NAV2: variants seen among roughly 807,000 people sequenced by gnomAD.
NAV2 encodes the protein neuron navigator 2.
A neutral mutation model predicts 223.2 loss-of-function variants in NAV2; 54 were observed. The observed-to-expected ratio is 0.24, with a 90% CI of 0.19 to 0.30. The LOEUF (loss-of-function observed/expected upper bound fraction) is 0.30, where lower values mean the gene tolerates loss of function less well. NAV2 is among the 10% of genes least tolerant of loss of function. The pLI, the probability that NAV2 is intolerant of heterozygous loss-of-function variation, is 1.00. For synonymous variants in NAV2, 1,279 were observed against 1,239.3 expected (o/e 1.03, Z -0.67); for missense variants, 2,806 against 3,147.5 (o/e 0.89, Z 2.60).
upstream of NAV2, among the ~76,000 whole-genome samples, chr11:19,350,347 C>T (rs1853241225): frequency 6.6e-6 from 1 of 152,140 alleles, no homozygotes. Context: ...AAAGACAAAT[C>T]TGACTGTTGA....
chr11:19,468,374 C>T (rs980225118), intron 1 of NAV2, among the ~76,000 whole-genome samples: 7 of 152,174 alleles, frequency 4.6e-5, no homozygotes, highest in African/African-American at 1.2e-4. Flanking sequence ...GGGAGGGCTA[C>T]GCCACCCTGA....
chr11:19,456,992 G>A (rs932520642), intron 1 of NAV2, among the ~76,000 whole-genome samples: 1 of 152,178 alleles, frequency 6.6e-6, no homozygotes, highest in East Asian at 1.9e-4. Context: ...CTTCTGTAAA[G>A]TACGGTCAAG....
intron 6 of NAV2, among the ~76,000 whole-genome samples, chr11:19,914,540 C>CTTT (rs10707433): frequency 1.4e-5 from 2 of 141,666 alleles, no homozygotes; most frequent in East Asian, 4.1e-4. Flanking sequence ...TGTTCCTGTT[C>CTTT]TTTTTTTTTT....
chr11:19,455,335 T>C (rs1356151220), intron 1 of NAV2, among the ~76,000 whole-genome samples: 1 of 152,234 alleles, frequency 6.6e-6, no homozygotes, highest in Non-Finnish European at 1.5e-5. Context: ...CTGTTTACCA[T>C]ATCCCTAGCA....
chr11:19,767,102 C>T (rs1306453332), intron 1 of NAV2, among the ~76,000 whole-genome samples: 1 of 152,122 alleles, frequency 6.6e-6, no homozygotes, highest in East Asian at 1.9e-4. Flanking sequence ...CATCCTTGGC[C>T]CAGGAACCAG....
intron 7 of NAV2, among the ~76,000 whole-genome samples, chr11:19,935,849 C>CTGTTTTTTTT (rs2045805590): frequency 4.3e-5 from 3 of 69,440 alleles, no homozygotes; most frequent in Non-Finnish European, 1.0e-4. Context: ...TGTTTTGTTT[C>CTGTTTTTTTT]TGTTTTTTTT....
chr11:19,361,376 A>T (rs1476635564), intron 1 of NAV2, among the ~76,000 whole-genome samples: 1 of 152,062 alleles, frequency 6.6e-6, no homozygotes, highest in East Asian at 1.9e-4. Context: ...CTCTCGAGTG[A>T]CAGGCATGAC....
intron 4 of NAV2, among the ~76,000 whole-genome samples, chr11:19,870,315 C>T (rs556171436): frequency 6.6e-6 from 1 of 152,246 alleles, no homozygotes; most frequent in South Asian, 2.1e-4. Flanking sequence ...CACATGATTT[C>T]CTCCTGGTAG....
Position 19,798,410 on chromosome 11 carries a change from G to A in NAV2, c.268-34074G>A, listed in dbSNP as rs567337314. Among the ~76,000 whole-genome samples, 12 of 152,196 alleles carry A rather than the reference G, an allele frequency of 7.9e-5. No individual in the cohort carries two copies. In the East Asian group the frequency reaches 2.3e-3, roughly 29 times the overall value. ...TTGGAATTTTAATCTTCTAGTTATG[G>A]GTTTTCATAAATCTAGTTTGAAATC... On this transcript the variant is annotated intron_variant, in intron 1 of 37. Transcript: ENST00000349880.
At chr11:19,361,664 ATG>A (rs1432602923) in intron 1 of NAV2, among the ~76,000 whole-genome samples, 1 of 152,074 alleles carries the variant, frequency 6.6e-6, no homozygotes, top group Non-Finnish European at 1.5e-5. Context: ...TGAGTGTGGG[ATG>A]TGTGAGCTCT....
intron 1 of NAV2, among the ~76,000 whole-genome samples, chr11:19,755,096 G>C (rs2152514454): frequency 6.6e-6 from 1 of 152,296 alleles, no homozygotes; most frequent in Admixed American, 6.5e-5. Context: ...TCTTCTGCAA[G>C]AGGTTGATTT....
rs566199641 is a variant in NAV2, at chr11:19,570,760, C to G, written c.75+219733C>G. Among the ~76,000 whole-genome samples the G allele has an allele frequency of 5.3e-5, 8 of 152,302 alleles. No individual in the cohort carries two copies. In the South Asian group the frequency reaches 1.7e-3, roughly 32 times the overall value. ...TACCACTTCACACACGCTAGGATGG[C>G]TACAATTTTTAAAAAATTGAAAATA... On this transcript the variant is annotated intron_variant, in intron 1 of 37. Transcript: ENST00000360655.
Position 19,683,880 on chromosome 11 carries a change from T to TA in NAV2, c.76-148598dup, listed in dbSNP as rs2048943578. Among the ~76,000 whole-genome samples the TA allele has an allele frequency of 2.0e-5, 3 of 152,234 alleles. No homozygotes were observed. In the South Asian group the frequency reaches 6.2e-4, roughly 32 times the overall value. On this transcript the variant is annotated intron_variant, in intron 1 of 37. Coordinates refer to the NAV2 transcript ENST00000360655. Reference sequence around the variant, plus strand: ...TCAACAATATAATTTTATTAAGTTTTAAAAAATGACCTTTATTCTGATTAA... The same window carrying TA: ...TCAACAATATAATTTTATTAAGTTTTAAAAAAATGACCTTTATTCTGATTAA...
intron 10 of NAV2, among the ~76,000 whole-genome samples, chr11:19,954,026 T>G (rs962467288): frequency 6.6e-6 from 1 of 152,212 alleles, no homozygotes; most frequent in Non-Finnish European, 1.5e-5. Flanking sequence ...TATGCTTATA[T>G]AACTCGCTAC....
At chr11:20,070,830 A>T (rs968943699) in intron 22 of NAV2, among the ~76,000 whole-genome samples, 1 of 152,172 alleles carries the variant, frequency 6.6e-6, no homozygotes, top group Admixed American at 6.5e-5. Context: ...TGTGCTAATG[A>T]CACAAAGGCA....
chr11:19,714,150 G>C, intron 1 of NAV2, 188 bp downstream of exon 1: 1 of 835,742 alleles, frequency 1.2e-6, no homozygotes, highest in South Asian at 1.6e-5. Flanking sequence ...GTGTGGCCCG[G>C]GTGCCGGAGG....
At chr11:19,427,446 G>C (rs1419309864) in intron 1 of NAV2, among the ~76,000 whole-genome samples, 2 of 152,142 alleles carry the variant, frequency 1.3e-5, no homozygotes, top group African/African-American at 4.8e-5. Context: ...CCTTTGCCTA[G>C]TTATAGGAGG....
chr11:19,479,116 C>A (rs747610421), intron 1 of NAV2, among the ~76,000 whole-genome samples: 10 of 152,152 alleles, frequency 6.6e-5, no homozygotes, highest in Non-Finnish European at 1.0e-4. Flanking sequence ...GTGGCCCAGT[C>A]ACTGTGTCGG....
intron 1 of NAV2, among the ~76,000 whole-genome samples, chr11:19,800,701 GTGTGTT>G (rs1388203566): frequency 2.0e-5 from 3 of 151,448 alleles, no homozygotes; most frequent in African/African-American, 7.3e-5. Context: ...GTGTGTGTGT[GTGTGTT>G]TGTATGCATG....
Sources: gnomAD v4.1 joint callset for allele counts (sites outside exome capture counted in the v4.1 genomes callset) on GRCh38, gnomAD v4.1.1 for gene constraint, MANE v1.5 for transcripts, NCBI Gene and HGNC (gene_info 2026-07-23, HGNC 2026-07-21) for gene names.